C2CD5: variants seen among roughly 807,000 people sequenced by gnomAD.
C2CD5 encodes the protein C2 calcium dependent domain containing 5.
In C2CD5, 109 loss-of-function variants were observed where a neutral mutation model predicts 130.3. The observed-to-expected ratio is 0.84, with a 90% confidence interval of 0.72 to 0.98. The LOEUF is 0.98. Ranked by LOEUF, C2CD5 falls within the 50% of genes least tolerant of loss-of-function variation. C2CD5 has a pLI of 0.00. For missense variants in C2CD5, 996 were observed against 1,261.8 expected, an observed-to-expected ratio of 0.79 and a Z score of 3.19; for synonymous variants, 454 against 429.2, an observed-to-expected ratio of 1.06 and a Z score of -0.71.
At chr12:22,532,068 C>G (rs147940310) in intron 3 of C2CD5, among the ~76,000 whole-genome samples, 93 of 152,302 alleles carry the variant, frequency 6.1e-4, no homozygotes, top group Middle Eastern at 3.4e-3. Flanking sequence ...CCGGGCATTA[C>G]GCCTGTAATC....
chr12:22,490,731 T>C, intron 11 of C2CD5, among the ~76,000 whole-genome samples: 1 of 152,154 alleles, frequency 6.6e-6, no homozygotes, highest in South Asian at 2.1e-4. Flanking sequence ...AAATGAAGCT[T>C]AAACTACATC....
chr12:22,451,814 T>C (rs1255099273), intron 26 of C2CD5, among the ~76,000 whole-genome samples: 3 of 152,134 alleles, frequency 2.0e-5, no homozygotes, highest in South Asian at 2.1e-4. Flanking sequence ...CTTGAGAATG[T>C]GGAAGACCTT....
At chr12:22,472,842 T>C (rs1350992529) in intron 16 of C2CD5, 35 bp from the exon 17 acceptor site, 4 of 1,073,682 alleles carry the variant, frequency 3.7e-6, no homozygotes, top group Non-Finnish European at 5.8e-6. Context: ...TTATAAGTAG[T>C]AAATGCATAA....
Position 22,474,943 on chromosome 12 carries a change from A to T in C2CD5, c.1903-52T>A. On this transcript the variant is annotated intron_variant, in intron 15 of 26. Coordinates refer to ENST00000446597, the MANE Select transcript of C2CD5 (RefSeq NM_001286176.2). ...CATATGAGATTGTCTTTTCCAGTTT[A>T]AATTTTACATCTTTATATTAGTAGA... The T allele has an allele frequency of 2.3e-6, 3 of 1,282,308 alleles. No homozygotes were observed. The South Asian group carries it at 5.3e-5, about 23-fold the overall frequency. 79.4% of individuals were successfully genotyped at this position (1,282,308 alleles called of 1,614,324 possible). A position where few individuals can be genotyped will look rare whatever the true frequency, so the allele number is the denominator to read the frequency against.
chr12:22,461,671 A>G (rs1465842946), intron 22 of C2CD5, among the ~76,000 whole-genome samples: 2 of 152,120 alleles, frequency 1.3e-5, no homozygotes, highest in Non-Finnish European at 2.9e-5. Context: ...GGACTACATG[A>G]TTTTTGTAAT....
At position 22,482,671 on chromosome 12, in the gene C2CD5, C is replaced by T. The variant is rs1232707374; in HGVS notation, c.1623G>A (p.Met541Ile). 7 of 1,613,106 alleles carry T rather than the reference C, an allele frequency of 4.3e-6. No individual in the cohort carries two copies. In the East Asian group the frequency reaches 1.6e-4, roughly 36 times the overall value. Residue 541 changes from methionine to isoleucine, a missense_variant, in exon 14 of 27, where the codon ATG becomes ATA. By Grantham distance (10) the Met-to-Ile change is conservative. Coordinates refer to ENST00000446597, the MANE Select transcript of C2CD5 (RefSeq NM_001286176.2). ...TTAGCTGAGTATGCACTTCATATTC[C>T]ATAAATGGCAAGAGATTACTGATAG... ...ATAISNLLPFMEYEVHTQLMN... is the reference protein window; with the variant it reads ...ATAISNLLPFIEYEVHTQLMN...
intron 4 of C2CD5, among the ~76,000 whole-genome samples, chr12:22,526,586 T>G (rs1267689619): frequency 6.6e-6 from 1 of 152,104 alleles, no homozygotes; most frequent in African/African-American, 2.4e-5. Context: ...ACTAAAAAAT[T>G]CCAAGCCAGG....
chr12:22,535,439 A>C (rs1049413217), intron 2 of C2CD5, 95 bp from the exon 3 acceptor site: 29 of 672,416 alleles, frequency 4.3e-5, no homozygotes, highest in Non-Finnish European at 6.7e-5. Flanking sequence ...GATAAACCAT[A>C]AAGGGGACAA....
intron 10 of C2CD5, among the ~76,000 whole-genome samples, chr12:22,503,112 A>G (rs1948017621): frequency 6.6e-6 from 1 of 152,232 alleles, no homozygotes; most frequent in African/African-American, 2.4e-5. Context: ...AAGCCTCCAA[A>G]ATAATAATCC....
intron 2 of C2CD5, among the ~76,000 whole-genome samples, chr12:22,538,242 G>C (rs545601875): frequency 6.6e-6 from 1 of 152,154 alleles, no homozygotes; most frequent in East Asian, 1.9e-4. Flanking sequence ...TTTCCAGTTT[G>C]GGTTGCTTTA....
chr12:22,466,274 A>G (rs992690050), intron 22 of C2CD5, among the ~76,000 whole-genome samples: 4 of 151,916 alleles, frequency 2.6e-5, no homozygotes, highest in African/African-American at 9.7e-5. Flanking sequence ...AAAACATGAA[A>G]TATACACTGG....
chr12:22,536,168 A>G (rs535164449), intron 2 of C2CD5, among the ~76,000 whole-genome samples: 82 of 152,136 alleles, frequency 5.4e-4, no homozygotes, highest in South Asian at 4.4e-3. Context: ...CAGAATTCAT[A>G]TAATAGTTAT....
At chr12:22,470,776 A>G in intron 21 of C2CD5, 48 bp downstream of exon 21, 1 of 1,157,296 alleles carries the variant, frequency 8.6e-7, no homozygotes, top group Non-Finnish European at 1.3e-6. Context: ...TCACTGAACC[A>G]TAACACAGAC....
Position 22,449,703 on chromosome 12 carries a change from C to G in C2CD5, c.*57G>C. ...TTAAGTCTAAGAAGATAATTAATGA[C>G]AAAATAACAGAGATTGATGAATTTC... is the stretch of plus-strand genomic sequence containing the variant. On this transcript the variant is annotated 3_prime_UTR_variant, in exon 27 of 27. Transcript: ENST00000446597. The G allele has an allele frequency of 6.8e-7, 1 of 1,462,918 alleles. No homozygotes were observed. The highest frequency in any genetic ancestry group is 9.4e-7 in the Non-Finnish European group (1 of 1,060,958). The allele number at this position is 1,462,918 out of a possible 1,614,324, so 90.6% of individuals were successfully genotyped here.
chr12:22,457,733 C>T (rs889784563), intron 24 of C2CD5, among the ~76,000 whole-genome samples: 1 of 151,878 alleles, frequency 6.6e-6, no homozygotes, highest in African/African-American at 2.4e-5. Context: ...TATTAAATAA[C>T]TGCCATAAGC....
chr12:22,471,586 T>G, intron 19 of C2CD5, 98 bp from the exon 20 acceptor site: 2 of 593,918 alleles, frequency 3.4e-6, no homozygotes, highest in Non-Finnish European at 5.6e-6. Context: ...AATGGAGAGT[T>G]AAAAATAAAA....
intron 16 of C2CD5, among the ~76,000 whole-genome samples, chr12:22,473,505 A>G (rs1658554967): frequency 6.6e-6 from 1 of 152,098 alleles, no homozygotes; most frequent in African/African-American, 2.4e-5. Context: ...GCATTCTCCA[A>G]CTACAGTCCT....
At chr12:22,462,886 A>G (rs1159839743) in intron 22 of C2CD5, among the ~76,000 whole-genome samples, 9 of 152,120 alleles carry the variant, frequency 5.9e-5, no homozygotes, top group Admixed American at 5.9e-4. Context: ...CAGGAGCTCG[A>G]GACCAGCCTG....
intron 10 of C2CD5, among the ~76,000 whole-genome samples, chr12:22,499,052 G>GAA (rs1233349977): frequency 1.3e-5 from 2 of 151,936 alleles, no homozygotes; most frequent in Non-Finnish European, 2.9e-5. Context: ...TAACTCAAGG[G>GAA]AAAAAAATAA....
Sources: gnomAD v4.1 joint callset for allele counts (sites outside exome capture counted in the v4.1 genomes callset) on GRCh38, gnomAD v4.1.1 for gene constraint, MANE v1.5 for transcripts, NCBI Gene and HGNC (gene_info 2026-07-23, HGNC 2026-07-21) for gene names.